WNT2: variants seen among roughly 807,000 people sequenced by gnomAD.
WNT2 encodes the protein Wnt family member 2.
WNT2 carries 12 observed loss-of-function variants against 36.9 expected under a neutral mutation model. The ratio of observed to expected loss-of-function variants is 0.33; its 90% confidence interval spans 0.21 to 0.53. WNT2 has a LOEUF of 0.53. WNT2 is among the 20% of genes least tolerant of loss of function. WNT2 has a pLI of 0.95. For synonymous variants in WNT2, 163 were observed against 174.6 expected, an observed-to-expected ratio of 0.93 and a Z score of 0.52; for missense variants, 379 against 473.1, an observed-to-expected ratio of 0.80 and a Z score of 1.84.
At chr7:117,310,383 G>A (rs1228303865) in intron 3 of WNT2, among the ~76,000 whole-genome samples, 4 of 151,540 alleles carry the variant, frequency 2.6e-5, no homozygotes, top group Non-Finnish European at 5.9e-5. Context: ...TGGGCAACAT[G>A]GCGAAACCTC....
At chr7:117,291,973 G>A (rs1269621503) in intron 4 of WNT2, among the ~76,000 whole-genome samples, 1 of 151,868 alleles carries the variant, frequency 6.6e-6, no homozygotes, top group East Asian at 1.9e-4. Flanking sequence ...GATGGGGTTT[G>A]TTCATGTTGG....
intron 2 of WNT2, among the ~76,000 whole-genome samples, chr7:117,319,153 G>T (rs1795274324): frequency 6.6e-6 from 1 of 152,078 alleles, no homozygotes; most frequent in Admixed American, 6.6e-5. Context: ...CTAGATATTT[G>T]CAAACTCTCT....
At chr7:117,307,191 A>C (rs1395332590) in intron 3 of WNT2, among the ~76,000 whole-genome samples, 1 of 152,196 alleles carries the variant, frequency 6.6e-6, no homozygotes, top group African/African-American at 2.4e-5. Flanking sequence ...ATTCTATTTT[A>C]TATTTCTCTG....
At chr7:117,303,980 G>A (rs1212576586) in intron 3 of WNT2, among the ~76,000 whole-genome samples, 1 of 152,202 alleles carries the variant, frequency 6.6e-6, no homozygotes, top group African/African-American at 2.4e-5. Flanking sequence ...CCACAGCTCA[G>A]ACCTAACGTT....
chr7:117,314,051 C>A (rs1259667336), intron 3 of WNT2, among the ~76,000 whole-genome samples: 1 of 152,172 alleles, frequency 6.6e-6, no homozygotes, highest in African/African-American at 2.4e-5. Flanking sequence ...AGGGACCTTT[C>A]AATTTTATGC....
intron 2 of WNT2, among the ~76,000 whole-genome samples, chr7:117,319,392 T>C (rs1795278381): frequency 6.6e-6 from 1 of 152,162 alleles, no homozygotes; most frequent in South Asian, 2.1e-4. Flanking sequence ...TACTACGCCC[T>C]TGGGGGATTT....
rs928699472 is a variant in WNT2 at position 117,277,315 on chromosome 7, A to G, written c.*840T>C. ...CATCCACTAAATTATTTTCCACCATATTCACCCAATAGTTACAGAATATTG... is the reference window on the plus strand; with the variant it reads ...CATCCACTAAATTATTTTCCACCATGTTCACCCAATAGTTACAGAATATTG... On this transcript the variant is annotated 3_prime_UTR_variant, in exon 5 of 5. Coordinates refer to ENST00000265441, the MANE Select transcript of WNT2 (RefSeq NM_003391.3). 2.0e-5 allele frequency: 3 copies of G among 152,172 alleles called. No individual in the cohort carries two copies. The highest frequency in any genetic ancestry group is 2.0e-4 in the Admixed American group (3 of 15,276). 9.4% of individuals were successfully genotyped at this position (152,172 alleles called of 1,614,324 possible). A position where few individuals can be genotyped will look rare whatever the true frequency, so the allele number is the denominator to read the frequency against.
Position 117,322,791 on chromosome 7 carries a change from G to T in WNT2, c.83+116C>A. 1 of 1,017,204 alleles carries T rather than the reference G, an allele frequency of 9.8e-7. No homozygotes were observed. The allele number at this position is 1,017,204 out of a possible 1,614,324, so 63.0% of individuals were successfully genotyped here. A position where few individuals can be genotyped will look rare whatever the true frequency, so the allele number is the denominator to read the frequency against. ...TAAGAGGGCAGTAGCCAGGGTTCGG[G>T]CCAGAATCCGAGACTGCTGCGGCCG... On this transcript the variant is annotated intron_variant, in intron 1 of 4. Transcript: ENST00000265441. This position sits in a 1 kb window ranked among gnomAD's most constrained non-coding sequence, Gnocchi z 5.4.
intron 3 of WNT2, among the ~76,000 whole-genome samples, chr7:117,309,240 G>C (rs1339779780): frequency 6.6e-6 from 1 of 152,040 alleles, no homozygotes; most frequent in Non-Finnish European, 1.5e-5. Flanking sequence ...TGCTTGTAAA[G>C]TTTTACTTAC....
intron 4 of WNT2, among the ~76,000 whole-genome samples, 176 bp downstream of exon 4, chr7:117,297,436 C>T (rs1794813201): frequency 6.6e-6 from 1 of 152,064 alleles, no homozygotes; most frequent in Non-Finnish European, 1.5e-5. Flanking sequence ...TCCCAAAGTG[C>T]TGGGATTACA....
rs1189137113 is a variant in WNT2 at position 117,322,084 on chromosome 7, C to T, written c.83+823G>A. The stretch of plus-strand genomic sequence containing the variant: ...TGCAAGGAAATTACAGGGCTATCAA[C>T]TCTATCTCTTTCCAAGACCAGAAAG... On this transcript the variant is annotated intron_variant, in intron 1 of 4. Transcript: ENST00000265441. The surrounding 1 kb of genome is among the most constrained non-coding windows in gnomAD (Gnocchi z 5.4). 6.6e-6 allele frequency: 1 copy of T among 152,174 alleles called. No homozygotes were observed. Among genetic ancestry groups the T allele is most frequent in the Non-Finnish European group, 1.5e-5 (1 of 68,026 alleles). The allele number at this position is 152,174 out of a possible 1,614,324, so 9.4% of individuals were successfully genotyped here.
chr7:117,317,236 G>A (rs1008197524), intron 2 of WNT2, among the ~76,000 whole-genome samples: 12 of 152,130 alleles, frequency 7.9e-5, no homozygotes, highest in South Asian at 2.1e-4. Context: ...ACAGTATTTC[G>A]AAAGCAACAA....
At chr7:117,281,192 G>A (rs533667639) in intron 4 of WNT2, among the ~76,000 whole-genome samples, 1 of 152,296 alleles carries the variant, frequency 6.6e-6, no homozygotes, top group Non-Finnish European at 1.5e-5. Context: ...GGGACAATGA[G>A]CATAGAAAGG....
intron 4 of WNT2, among the ~76,000 whole-genome samples, chr7:117,290,734 T>C (rs1794674884): frequency 6.6e-6 from 1 of 152,232 alleles, no homozygotes; most frequent in South Asian, 2.1e-4. Flanking sequence ...ACCTAGACTG[T>C]GTCCCAGTGC....
rs946092671 is a variant in WNT2 at position 117,322,711 on chromosome 7, T to C, written c.83+196A>G. On this transcript the variant is annotated intron_variant, in intron 1 of 4. Transcript: ENST00000265441. This position sits in a 1 kb window ranked among gnomAD's most constrained non-coding sequence, Gnocchi z 5.4. ...TGAGGGGGAATGTGGTTTTATGGAG[T>C]TGTCAAAGCTGAAATGATCTTCTGG... Among the ~76,000 whole-genome samples, 7 of 151,330 alleles carry C rather than the reference T, an allele frequency of 4.6e-5. No homozygotes were observed. The highest frequency in any genetic ancestry group is 8.8e-5 in the Non-Finnish European group (6 of 67,848).
In WNT2 at chr7:117,320,666, C is replaced by T. The variant is rs116850179; in HGVS notation, c.211G>A (p.Glu71Lys). 113 of 1,613,878 alleles carry T rather than the reference C, an allele frequency of 7.0e-5. No individual in the cohort carries two copies. In the East Asian group the frequency reaches 2.2e-3, roughly 31 times the overall value. Residue 71 changes from glutamate (E) to lysine (K), a missense_variant, in exon 2 of 5, where the codon GAG becomes AAG. Physicochemically the swap from Glu to Lys is moderately conservative, Grantham distance 56 (BLOSUM62 1). Coordinates refer to ENST00000265441, the MANE Select transcript of WNT2 (RefSeq NM_003391.3). ...TGGTGCTGGCATTCTGCTGTCCACT[C>T]GGCCACGCCCTGGCTAATGGCACGC... ...VMRAISQGVA[E>K]WTAECQHQFR...
At chr7:117,312,326 G>A (rs548700488) in intron 3 of WNT2, among the ~76,000 whole-genome samples, 2 of 152,214 alleles carry the variant, frequency 1.3e-5, no homozygotes, top group South Asian at 2.1e-4. Flanking sequence ...AGCTGTGGTA[G>A]TAGAACTGCC....
Position 117,277,862 on chromosome 7 carries a change from C to T in WNT2, c.*293G>A. 1 of 426,960 alleles carries T rather than the reference C, an allele frequency of 2.3e-6. No individual in the cohort carries two copies. The highest frequency in any genetic ancestry group is 4.3e-6 in the Non-Finnish European group (1 of 233,642). The allele number at this position is 426,960 out of a possible 1,614,324, so 26.4% of individuals were successfully genotyped here. On this transcript the variant is annotated 3_prime_UTR_variant, in exon 5 of 5. Transcript: ENST00000265441. Reference sequence around the variant, plus strand: ...CGTCAAGGTGGGTGGAGACAGTGGTCTGGGCCCACCACCCTCCCGGCTGAA... The same window carrying T: ...CGTCAAGGTGGGTGGAGACAGTGGTTTGGGCCCACCACCCTCCCGGCTGAA...
At chr7:117,316,389 C>G (rs1795218648) in intron 2 of WNT2, among the ~76,000 whole-genome samples, 1 of 152,126 alleles carries the variant, frequency 6.6e-6, no homozygotes, top group African/African-American at 2.4e-5. Flanking sequence ...TATTAGCATG[C>G]CCTTTTATTA....
Sources: allele counts gnomAD v4.1 joint callset (sites outside exome capture counted in the v4.1 genomes callset), GRCh38; gene constraint gnomAD v4.1.1; non-coding constraint Gnocchi (gnomAD v3.1); transcripts MANE v1.5; gene names NCBI Gene and HGNC (gene_info 2026-07-23, HGNC 2026-07-21).